ME3: variants seen among roughly 807,000 people sequenced by gnomAD.
ME3 encodes the protein malic enzyme 3.
ME3 carries 48 observed loss-of-function variants against 68.9 expected under a neutral mutation model. That is an observed-to-expected ratio of 0.70 (90% CI 0.55 to 0.89). ME3 has a LOEUF of 0.89. Ranked by LOEUF, ME3 falls within the 40% of genes least tolerant of loss-of-function variation. ME3 has a pLI of 0.00. For missense variants in ME3, 675 were observed against 797.4 expected (o/e 0.85, Z 1.85); for synonymous variants, 320 against 318.8 (o/e 1.00, Z -0.04).
intron 2 of ME3, among the ~76,000 whole-genome samples, chr11:86,650,823 G>C (rs1282361253): frequency 6.6e-6 from 1 of 152,190 alleles, no homozygotes; most frequent in Non-Finnish European, 1.5e-5. Flanking sequence ...AGTGCAAGGG[G>C]TCAGGGAATT....
chr11:86,649,824 G>T (rs1044580105), intron 2 of ME3, among the ~76,000 whole-genome samples: 4 of 152,070 alleles, frequency 2.6e-5, no homozygotes, highest in Non-Finnish European at 5.9e-5. Context: ...ACAAACAAAT[G>T]GAAAAACGTT....
downstream of ME3, chr11:86,437,164 T>C (rs1026011515): frequency 1.2e-4 from 19 of 152,216 alleles, no homozygotes; most frequent in Admixed American, 1.2e-3. Context: ...TGAGAACATA[T>C]GGCATTTCAC....
chr11:86,607,164 A>G (rs1395556556), intron 2 of ME3, among the ~76,000 whole-genome samples: 1 of 152,198 alleles, frequency 6.6e-6, no homozygotes, highest in Non-Finnish European at 1.5e-5. Context: ...AACTTAACAC[A>G]TTCACAGCCA....
chr11:86,617,044 A>ATTTTTTTT (rs1943006030), intron 2 of ME3, among the ~76,000 whole-genome samples: 1 of 43,846 alleles, frequency 2.3e-5, no homozygotes, highest in Non-Finnish European at 5.3e-5. Flanking sequence ...CCAAGATAGT[A>ATTTTTTTT]GTTTTTTTTT....
intron 2 of ME3, among the ~76,000 whole-genome samples, chr11:86,629,043 G>C (rs938045979): frequency 1.2e-4 from 19 of 152,130 alleles, no homozygotes; most frequent in African/African-American, 4.6e-4. Context: ...TGCAAAGAGA[G>C]GCCTGGGAGC....
intron 8 of ME3, 64 bp downstream of exon 8, chr11:86,465,027 T>TCCC: frequency 7.5e-7 from 1 of 1,331,684 alleles, no homozygotes; most frequent in Non-Finnish European, 1.1e-6. Flanking sequence ...CCCTTTGGCA[T>TCCC]CCCAGTGAGG....
intron 7 of ME3, among the ~76,000 whole-genome samples, chr11:86,468,018 C>T (rs1367957767): frequency 6.6e-6 from 1 of 152,060 alleles, no homozygotes; most frequent in Non-Finnish European, 1.5e-5. Context: ...CTTGGGTAAC[C>T]ATCCCCTGGC....
intron 4 of ME3, among the ~76,000 whole-genome samples, chr11:86,525,412 A>T (rs1288159362): frequency 1.3e-5 from 2 of 152,184 alleles, no homozygotes; most frequent in Non-Finnish European, 2.9e-5. Flanking sequence ...CCAGGAAACC[A>T]TTAAAAAAAT....
At chr11:86,507,411 C>T (rs146907878) in intron 5 of ME3, among the ~76,000 whole-genome samples, 3 of 152,238 alleles carry the variant, frequency 2.0e-5, no homozygotes, top group Admixed American at 6.5e-5. Flanking sequence ...CATGGCCTCC[C>T]AGGCAAGGCA....
chr11:86,637,525 A>T (rs962450240), intron 2 of ME3, among the ~76,000 whole-genome samples: 2 of 152,210 alleles, frequency 1.3e-5, no homozygotes, highest in African/African-American at 4.8e-5. Flanking sequence ...AGTAGGCAGC[A>T]CAAAGATGTG....
At chr11:86,570,275 G>A (rs1957716602) in intron 2 of ME3, among the ~76,000 whole-genome samples, 1 of 152,226 alleles carries the variant, frequency 6.6e-6, no homozygotes. Flanking sequence ...GGGTAGCATA[G>A]CTGGGATAGA....
intron 5 of ME3, among the ~76,000 whole-genome samples, chr11:86,507,955 C>T (rs569842400): frequency 1.0e-4 from 15 of 145,466 alleles, no homozygotes; most frequent in South Asian, 9.0e-4. Context: ...CCAACCTGGA[C>T]GACAGAGTGA....
intron 2 of ME3, among the ~76,000 whole-genome samples, chr11:86,635,845 T>C (rs1240888537): frequency 1.3e-5 from 2 of 152,232 alleles, no homozygotes; most frequent in African/African-American, 4.8e-5. Flanking sequence ...ATGTTGATAC[T>C]CATCTTGCAG....
intron 2 of ME3, among the ~76,000 whole-genome samples, chr11:86,611,465 T>C (rs1942567322): frequency 6.6e-6 from 1 of 152,156 alleles, no homozygotes; most frequent in Non-Finnish European, 1.5e-5. Flanking sequence ...TGGGTAACTA[T>C]GTGAGGTGAT....
At chr11:86,459,585 A>T (rs1379253427) in intron 8 of ME3, among the ~76,000 whole-genome samples, 1 of 137,154 alleles carries the variant, frequency 7.3e-6, no homozygotes, top group Non-Finnish European at 1.6e-5. Flanking sequence ...CTGGCCTTAT[A>T]AAAAAACCCT....
At chr11:86,548,827 A>G (rs1479877417) in intron 4 of ME3, among the ~76,000 whole-genome samples, 1 of 152,150 alleles carries the variant, frequency 6.6e-6, no homozygotes, top group Non-Finnish European at 1.5e-5. Flanking sequence ...CCCATATTTC[A>G]TGACTCCCAG....
chr11:86,485,121 C>T (rs1465857146), intron 7 of ME3, among the ~76,000 whole-genome samples: 2 of 152,204 alleles, frequency 1.3e-5, no homozygotes, highest in African/African-American at 4.8e-5. Flanking sequence ...TTATTTTGAG[C>T]TGAAAAGTGC....
intron 2 of ME3, among the ~76,000 whole-genome samples, chr11:86,604,155 T>C (rs1050155479): frequency 2.2e-4 from 34 of 151,466 alleles, no homozygotes; most frequent in Non-Finnish European, 4.4e-4. Flanking sequence ...TGGGTTGTGA[T>C]AAGAAGTTGT....
At chr11:86,464,034 C>T in intron 8 of ME3, 1 of 420,208 alleles carries the variant, frequency 2.4e-6, no homozygotes. Flanking sequence ...TTAACCTTAG[C>T]TGTTATTACC....
Sources: allele counts gnomAD v4.1 joint callset (sites outside exome capture counted in the v4.1 genomes callset), GRCh38; gene constraint gnomAD v4.1.1; transcripts MANE v1.5; gene names NCBI Gene and HGNC (gene_info 2026-07-23, HGNC 2026-07-21).